RB1CC1: variants seen among roughly 807,000 people sequenced by gnomAD.
The protein encoded by RB1CC1 is RB1 inducible coiled-coil 1, also known as RB1-inducible coiled-coil protein 1.
RB1CC1 carries 46 observed loss-of-function variants against 177.5 expected under a neutral mutation model. The ratio of observed to expected loss-of-function variants is 0.26; its 90% CI spans 0.20 to 0.33. The LOEUF is 0.33. Ranked by LOEUF, RB1CC1 falls within the 10% of genes least tolerant of loss-of-function variation. The pLI is 1.00. For missense variants in RB1CC1, 1,703 were observed against 1,816.3 expected, an observed-to-expected ratio of 0.94 and a Z score of 1.13; for synonymous variants, 666 against 613.6, an observed-to-expected ratio of 1.09 and a Z score of -1.26.
chr8:52,673,308 G>A (rs1433900099), intron 7 of RB1CC1, among the ~76,000 whole-genome samples: 1 of 152,156 alleles, frequency 6.6e-6, no homozygotes, highest in Non-Finnish European at 1.5e-5. Flanking sequence ...TTATTCCTCA[G>A]GTTTAAAAGG....
At chr8:52,692,399 T>C (rs574446505) in intron 1 of RB1CC1, among the ~76,000 whole-genome samples, 81 of 152,296 alleles carry the variant, frequency 5.3e-4, no homozygotes, top group Admixed American at 2.6e-4. Flanking sequence ...CACTTTGCTT[T>C]TATTCTTTAG....
intron 1 of RB1CC1, among the ~76,000 whole-genome samples, chr8:52,691,711 C>T (rs1854876220): frequency 2.0e-5 from 3 of 152,172 alleles, no homozygotes; most frequent in Non-Finnish European, 2.9e-5. Context: ...AATATTTTCA[C>T]TCTCTACATC....
At chr8:52,702,416 A>G (rs1249762402) in intron 1 of RB1CC1, among the ~76,000 whole-genome samples, 1 of 152,120 alleles carries the variant, frequency 6.6e-6, no homozygotes, top group African/African-American at 2.4e-5. Flanking sequence ...TTATCAGGGA[A>G]AGAAATGTAG....
intron 1 of RB1CC1, among the ~76,000 whole-genome samples, chr8:52,703,343 C>T (rs759536289): frequency 8.5e-5 from 13 of 152,168 alleles, no homozygotes; most frequent in Non-Finnish European, 5.9e-5. Flanking sequence ...CCACCAACTA[C>T]ATAATCTTAG....
At chr8:52,646,327 A>C (rs1432478852) in intron 15 of RB1CC1, among the ~76,000 whole-genome samples, 2 of 152,158 alleles carry the variant, frequency 1.3e-5, no homozygotes, top group African/African-American at 4.8e-5. Context: ...CAACAAAAAA[A>C]AACAACAGCC....
chr8:52,676,746 A>T (rs529657545), intron 5 of RB1CC1, among the ~76,000 whole-genome samples, 175 bp from the exon 6 acceptor site: 2 of 152,108 alleles, frequency 1.3e-5, no homozygotes, highest in East Asian at 3.9e-4. Flanking sequence ...CAGCCTAAAC[A>T]TAAGTGAGGT....
At chr8:52,710,553 T>C (rs1856967890) in intron 1 of RB1CC1, among the ~76,000 whole-genome samples, 1 of 152,132 alleles carries the variant, frequency 6.6e-6, no homozygotes, top group South Asian at 2.1e-4. Context: ...TTGAACTGCA[T>C]AAAATAACAG....
Position 52,666,154 on chromosome 8 carries a change from T to A in RB1CC1, c.1173+1867A>T, listed in dbSNP as rs1157673809. Among the ~76,000 whole-genome samples the A allele has an allele frequency of 3.9e-5, 6 of 151,936 alleles. No homozygotes were observed. The South Asian group carries it at 1.2e-3, about 32-fold the overall frequency. ...ACGTTATCCTAGGCCTCACAATATT[T>A]CTTTGATTTTTCTTATTAAAAAAAA... On this transcript the variant is annotated intron_variant, in intron 8 of 23. Coordinates refer to ENST00000025008, the MANE Select transcript of RB1CC1 (RefSeq NM_014781.5).
chr8:52,667,443 G>A (rs769460042), intron 8 of RB1CC1, among the ~76,000 whole-genome samples: 21 of 152,138 alleles, frequency 1.4e-4, no homozygotes, highest in Non-Finnish European at 2.4e-4. Context: ...AGCTATGGGT[G>A]GTTTTGCCAC....
intron 21 of RB1CC1, 81 bp from the exon 22 acceptor site, chr8:52,628,249 G>A: frequency 7.8e-7 from 1 of 1,280,246 alleles, no homozygotes; most frequent in Non-Finnish European, 1.1e-6. Context: ...TATACTTAAT[G>A]CTCAACTACA....
At chr8:52,667,708 T>G (rs1405647623) in intron 8 of RB1CC1, among the ~76,000 whole-genome samples, 1 of 152,202 alleles carries the variant, frequency 6.6e-6, no homozygotes, top group Non-Finnish European at 1.5e-5. Flanking sequence ...TTTCTTATCC[T>G]TCGTCCTATG....
intron 22 of RB1CC1, among the ~76,000 whole-genome samples, chr8:52,625,219 T>C (rs2150364989): frequency 6.6e-6 from 1 of 152,290 alleles, no homozygotes; most frequent in African/African-American, 2.4e-5. Context: ...GCAGTATTTT[T>C]AATACAAGTT....
chr8:52,624,207 T>G (rs1187139661), intron 23 of RB1CC1, among the ~76,000 whole-genome samples: 5 of 151,958 alleles, frequency 3.3e-5, no homozygotes, highest in African/African-American at 4.8e-5. Flanking sequence ...CAAGTTCTAT[T>G]CGTATTTTGT....
At chr8:52,697,901 A>T (rs950164303) in intron 1 of RB1CC1, among the ~76,000 whole-genome samples, 3 of 152,210 alleles carry the variant, frequency 2.0e-5, no homozygotes, top group Non-Finnish European at 4.4e-5. Flanking sequence ...CATTTCCTTA[A>T]GCCAATAACT....
At chr8:52,631,917 A>G (rs1262638908) in intron 20 of RB1CC1, among the ~76,000 whole-genome samples, 2 of 152,206 alleles carry the variant, frequency 1.3e-5, no homozygotes, top group African/African-American at 4.8e-5. Flanking sequence ...ACTCTGGTTA[A>G]ACTGGGGTGG....
At chr8:52,647,206 G>C (rs1590958630) in intron 15 of RB1CC1, among the ~76,000 whole-genome samples, 1 of 152,178 alleles carries the variant, frequency 6.6e-6, no homozygotes, top group South Asian at 2.1e-4. Flanking sequence ...TAAACTTGCT[G>C]CTCAGATAAC....
intron 12 of RB1CC1, 90 bp downstream of exon 12, chr8:52,660,506 T>A (rs1203159729): frequency 8.2e-7 from 1 of 1,225,490 alleles, no homozygotes; most frequent in Non-Finnish European, 1.2e-6. Flanking sequence ...CCACAACAAT[T>A]TCTGCAAGTT....
At chr8:52,713,157 T>C (rs554261544) in intron 1 of RB1CC1, among the ~76,000 whole-genome samples, 13 of 152,228 alleles carry the variant, frequency 8.5e-5, no homozygotes, top group Non-Finnish European at 1.5e-4. Flanking sequence ...CTTTAAATGT[T>C]TGCAGCAGAC....
rs1849668173 is a variant in RB1CC1 at position 52,642,488 on chromosome 8, T to C, written c.4200A>G (p.Ser1400=). ...SKLRSSSFVP[S]PYVATAPELY... ...GTTCTGGGGCTGTAGCTACATATGG[T>C]GAAGGAACAAAACTGCTACTACGCA... The change falls in exon 18 of 24, where the codon TCA becomes TCG. Residue 1400 remains serine (S), a synonymous_variant. Transcript: ENST00000025008. 3.7e-6 allele frequency: 6 copies of C among 1,614,082 alleles called. No homozygotes were observed. Among genetic ancestry groups the C allele is most frequent in the Non-Finnish European group, 5.1e-6 (6 of 1,180,000 alleles).
Sources: allele counts gnomAD v4.1 joint callset (sites outside exome capture counted in the v4.1 genomes callset), GRCh38; gene constraint gnomAD v4.1.1; transcripts MANE v1.5; gene names NCBI Gene and HGNC (gene_info 2026-07-23, HGNC 2026-07-21).